The following RIPOR2 variants were observed in gnomAD, a reference collection of about 807,000 sequenced individuals.
RIPOR2 encodes RHO family interacting cell polarization regulator 2.
Under a neutral mutation model 114.5 loss-of-function variants are expected in RIPOR2, and 39 were observed. The ratio of observed to expected loss-of-function variants is 0.34; its 90% CI spans 0.26 to 0.44. The LOEUF (loss-of-function observed/expected upper bound fraction) is 0.44, where lower values mean the gene tolerates loss of function less well. Ranked by LOEUF, RIPOR2 falls within the 20% of genes least tolerant of loss-of-function variation. The probability of loss-of-function intolerance (pLI) is 1.00; values close to 1 mark genes in which losing one functional copy is unlikely to be tolerated. For synonymous variants in RIPOR2, 445 were observed against 484.4 expected (o/e 0.92, Z 1.07); for missense variants, 1,007 against 1,255.1 (o/e 0.80, Z 2.99).
At chr6:24,968,475 G>A (rs422488) in intron 1 of RIPOR2, among the ~76,000 whole-genome samples, 294 of 152,298 alleles carry the variant, frequency 1.9e-3, no homozygotes, top group Middle Eastern at 6.8e-3. Context: ...TAGAACTTGA[G>A]TCTGCAACTA....
Position 25,020,660 on chromosome 6 carries a change from A to G in RIPOR2, c.76+21191T>C, listed in dbSNP as rs77535768. 1.8e-4 allele frequency among the ~76,000 whole-genome samples: 27 copies of G among 152,296 alleles called. No homozygotes were observed. The East Asian group carries it at 4.8e-3, about 27-fold the overall frequency. On this transcript the variant is annotated intron_variant, in intron 1 of 13. Transcript: ENST00000510784. ...AGTCTGAAAACCTCTAGTCCAAACC[A>G]TTTATTAATCCTTAATCTCTGCCTT...
chr6:24,928,685 C>T (rs1035721165), intron 1 of RIPOR2, among the ~76,000 whole-genome samples: 1 of 152,188 alleles, frequency 6.6e-6, no homozygotes, highest in Non-Finnish European at 1.5e-5. Context: ...AGAAAAGTAG[C>T]ACCATAACCT....
intron 1 of RIPOR2, among the ~76,000 whole-genome samples, chr6:24,945,999 A>T (rs955859629): frequency 6.6e-6 from 1 of 151,990 alleles, no homozygotes; most frequent in Non-Finnish European, 1.5e-5. Flanking sequence ...AGTCAACCTC[A>T]CTCATCTCAT....
chr6:24,862,500 G>A (rs548128217), intron 7 of RIPOR2, among the ~76,000 whole-genome samples: 1 of 152,212 alleles, frequency 6.6e-6, no homozygotes, highest in Non-Finnish European at 1.5e-5. Context: ...GGGATGCAAA[G>A]AGAATGGCAT....
chr6:24,980,214 A>G (rs1051117894), intron 1 of RIPOR2, among the ~76,000 whole-genome samples: 2 of 152,236 alleles, frequency 1.3e-5, no homozygotes, highest in African/African-American at 4.8e-5. Flanking sequence ...AATAAACACC[A>G]TGAATGACTT....
At chr6:24,807,558 G>A (rs1176060520) in intron 21 of RIPOR2, among the ~76,000 whole-genome samples, 3 of 152,130 alleles carry the variant, frequency 2.0e-5, no homozygotes, top group African/African-American at 7.2e-5. Context: ...AACTTACAAC[G>A]GGTTTATTGG....
intron 1 of RIPOR2, among the ~76,000 whole-genome samples, chr6:24,986,716 G>A (rs1368868586): frequency 1.3e-5 from 2 of 152,178 alleles, no homozygotes; most frequent in Admixed American, 6.5e-5. Flanking sequence ...CAACTACCAT[G>A]TGAAGAATAG....
intron 1 of RIPOR2, among the ~76,000 whole-genome samples, chr6:24,916,338 A>C (rs1363442759): frequency 6.6e-6 from 1 of 152,158 alleles, no homozygotes; most frequent in Non-Finnish European, 1.5e-5. Context: ...CTGTCCCCTG[A>C]GTGCAGACTC....
intron 19 of RIPOR2, 114 bp downstream of exon 19, chr6:24,825,111 AT>A: frequency 3.9e-6 from 3 of 769,354 alleles, no homozygotes. Flanking sequence ...TGGAGCACAC[AT>A]TATTAATACG....
chr6:24,977,212 AACTC>A (rs146988665), intron 1 of RIPOR2, among the ~76,000 whole-genome samples: 27,033 of 152,038 alleles, frequency 0.18, 3,123 homozygotes, highest in East Asian at 0.56. Flanking sequence ...AACGAGAAAA[AACTC>A]ACTGCATATA....
intron 1 of RIPOR2, among the ~76,000 whole-genome samples, chr6:24,963,814 A>G (rs1481409183): frequency 2.0e-5 from 3 of 151,212 alleles, no homozygotes; most frequent in African/African-American, 4.9e-5. Flanking sequence ...CGTGTCTTTG[A>G]TCTTGTTGTG....
At chr6:25,039,188 T>G (rs1777371238) in intron 1 of RIPOR2, among the ~76,000 whole-genome samples, 1 of 152,238 alleles carries the variant, frequency 6.6e-6, no homozygotes, top group Non-Finnish European at 1.5e-5. Context: ...AAAGCAGATT[T>G]TAGCAGCTGC....
At chr6:24,958,799 G>T (rs1300535015) in intron 1 of RIPOR2, among the ~76,000 whole-genome samples, 2 of 152,072 alleles carry the variant, frequency 1.3e-5, no homozygotes, top group African/African-American at 4.8e-5. Context: ...CAGTTCTGGA[G>T]GCTGGAGGTC....
intron 1 of RIPOR2, among the ~76,000 whole-genome samples, chr6:24,899,147 A>C (rs1768170578): frequency 6.6e-6 from 1 of 152,090 alleles, no homozygotes; most frequent in Non-Finnish European, 1.5e-5. Context: ...CTGGATCATG[A>C]AGGTTCAGGG....
chr6:24,892,861 C>T (rs925125838), intron 1 of RIPOR2, among the ~76,000 whole-genome samples: 1 of 152,070 alleles, frequency 6.6e-6, no homozygotes, highest in Non-Finnish European at 1.5e-5. Context: ...TTTTAAGATA[C>T]TTGGGATGTT....
At chr6:24,821,516 C>T (rs1348403093) in intron 19 of RIPOR2, among the ~76,000 whole-genome samples, 3 of 152,198 alleles carry the variant, frequency 2.0e-5, no homozygotes, top group Non-Finnish European at 2.9e-5. Context: ...TTTTAACACT[C>T]TTAAAGGAAA....
At chr6:24,937,785 C>T (rs1771898140), upstream of RIPOR2, among the ~76,000 whole-genome samples, 1 of 152,120 alleles carries the variant, frequency 6.6e-6, no homozygotes, top group Non-Finnish European at 1.5e-5. Flanking sequence ...TAAGATCAGG[C>T]AGCTAGTGAG....
At chr6:25,003,631 A>C (rs914958670) in intron 1 of RIPOR2, among the ~76,000 whole-genome samples, 19 of 151,790 alleles carry the variant, frequency 1.3e-4, no homozygotes, top group African/African-American at 4.6e-4. Flanking sequence ...GGGTCTTACT[A>C]TGTTGCCCAG....
At chr6:24,911,659 G>C (rs991776339) in intron 1 of RIPOR2, among the ~76,000 whole-genome samples, 1 of 152,218 alleles carries the variant, frequency 6.6e-6, no homozygotes, top group East Asian at 1.9e-4. Context: ...GAATGATAAA[G>C]GTTTCCTGTG....
Sources: gnomAD v4.1 joint callset for allele counts (sites outside exome capture counted in the v4.1 genomes callset) on GRCh38, gnomAD v4.1.1 for gene constraint, MANE v1.5 for transcripts, NCBI Gene and HGNC (gene_info 2026-07-23, HGNC 2026-07-21) for gene names.